Variants in EDN1 observed in about 807,000 individuals in gnomAD.
EDN1 encodes the protein endothelin-1.
A neutral mutation model predicts 21.7 loss-of-function variants in EDN1; 11 were observed. That is an observed-to-expected ratio of 0.51 (90% confidence interval 0.32 to 0.84). EDN1 has a LOEUF of 0.84. Among genes scored for constraint, EDN1 ranks in the 40% least tolerant of loss-of-function variants. EDN1 has a pLI of 0.03. For synonymous variants in EDN1, 85 were observed against 90.6 expected, an observed-to-expected ratio of 0.94 and a Z score of 0.35; for missense variants, 244 against 262.3, an observed-to-expected ratio of 0.93 and a Z score of 0.48.
the EDN1 span, among the ~76,000 whole-genome samples, chr6:12,275,978 T>C: frequency 2.6e-5 from 4 of 152,038 alleles, no homozygotes; most frequent in East Asian, 1.9e-4. Flanking sequence ...CTGGCTGACA[T>C]GGTGAAACCC....
At chr6:12,234,753 A>G in the EDN1 span, among the ~76,000 whole-genome samples, 4 of 152,138 alleles carry the variant, frequency 2.6e-5, no homozygotes, top group Admixed American at 2.6e-4. Flanking sequence ...CCTGTTCTCC[A>G]AGGTTACATT....
chr6:12,283,029 A>G, the EDN1 span, among the ~76,000 whole-genome samples: 1 of 152,240 alleles, frequency 6.6e-6, no homozygotes, highest in Non-Finnish European at 1.5e-5. Context: ...TCTTGTAACT[A>G]TCCCAAATGG....
At chr6:12,233,695 AG>A in the EDN1 span, among the ~76,000 whole-genome samples, 1 of 152,198 alleles carries the variant, frequency 6.6e-6, no homozygotes, top group Non-Finnish European at 1.5e-5. Context: ...GAAAATAAAA[AG>A]GGGTGACATC....
chr6:12,264,328 ATTTTCAG>A, the EDN1 span, among the ~76,000 whole-genome samples: 2 of 152,150 alleles, frequency 1.3e-5, no homozygotes, highest in Non-Finnish European at 2.9e-5. Context: ...AACCTCTCTG[ATTTTCAG>A]TGTTTATAGG....
the EDN1 span, among the ~76,000 whole-genome samples, chr6:12,246,517 C>T: frequency 3.5e-4 from 54 of 152,260 alleles, no homozygotes; most frequent in African/African-American, 1.1e-3. Flanking sequence ...AGATCCTGGG[C>T]GTGCACACAC....
chr6:12,287,286 T>C (rs1322696777), upstream of EDN1, among the ~76,000 whole-genome samples: 1 of 151,598 alleles, frequency 6.6e-6, no homozygotes, highest in South Asian at 2.1e-4. Flanking sequence ...CTCTGAGGGG[T>C]GGGGTGGGGC....
chr6:12,275,554 T>C, the EDN1 span, among the ~76,000 whole-genome samples: 1 of 152,260 alleles, frequency 6.6e-6, no homozygotes, highest in East Asian at 1.9e-4. Context: ...TAGATATTTA[T>C]ATAATATTTG....
chr6:12,274,651 TAC>T, the EDN1 span, among the ~76,000 whole-genome samples: 2 of 152,232 alleles, frequency 1.3e-5, no homozygotes, highest in African/African-American at 4.8e-5. Context: ...TAGAATCATC[TAC>T]ACACCTACTT....
the EDN1 span, among the ~76,000 whole-genome samples, chr6:12,234,085 A>T: frequency 6.6e-6 from 1 of 152,236 alleles, no homozygotes; most frequent in South Asian, 2.1e-4. Context: ...TATCAGGGTT[A>T]GGAAGTTGGC....
Position 12,292,456 on chromosome 6 carries a change from T to C in EDN1, c.180T>C (p.Asp60=). Reference sequence around the variant, plus strand: ...GCTGCTCCTGCTCGTCCCTGATGGATAAAGAGTGTGTCTACTTCTGCCACC... The same window carrying C: ...GCTGCTCCTGCTCGTCCCTGATGGACAAAGAGTGTGTCTACTTCTGCCACC... ...SKRCSCSSLM[D]KECVYFCHLD... Residue 60 remains aspartate, a synonymous_variant, in exon 2 of 5, where the codon GAT becomes GAC. Transcript: ENST00000379375. The C allele has an allele frequency of 6.2e-7, 1 of 1,614,190 alleles. No homozygotes were observed. Among genetic ancestry groups the C allele is most frequent in the Non-Finnish European group, 8.5e-7 (1 of 1,180,038 alleles).
upstream of EDN1, among the ~76,000 whole-genome samples, chr6:12,287,686 TCC>T (rs1491393317): frequency 6.6e-5 from 8 of 121,366 alleles, no homozygotes; most frequent in South Asian, 6.3e-4. Context: ...TCTCTCTCTC[TCC>T]CTCTCTCTCT....
chr6:12,259,452 GA>G, the EDN1 span, among the ~76,000 whole-genome samples: 2 of 151,126 alleles, frequency 1.3e-5, no homozygotes, highest in African/African-American at 4.8e-5. Flanking sequence ...TTTTACTAGT[GA>G]AAAAAATTGG....
At chr6:12,289,769 C>T (rs986465620), upstream of EDN1, among the ~76,000 whole-genome samples, 1 of 152,016 alleles carries the variant, frequency 6.6e-6, no homozygotes, top group East Asian at 1.9e-4. Context: ...GATCTTTCTC[C>T]GATAGATGCA....
chr6:12,288,857 C>T (rs979886884), upstream of EDN1, among the ~76,000 whole-genome samples: 1 of 152,156 alleles, frequency 6.6e-6, no homozygotes, highest in African/African-American at 2.4e-5. Flanking sequence ...GCTTGAATTC[C>T]ACCCTCCATC....
chr6:12,239,294 A>C, the EDN1 span, among the ~76,000 whole-genome samples: 5 of 152,222 alleles, frequency 3.3e-5, no homozygotes, highest in African/African-American at 1.2e-4. Flanking sequence ...ATGTTAACAT[A>C]ATAGGATTGC....
chr6:12,266,787 A>G, the EDN1 span, among the ~76,000 whole-genome samples: 201 of 152,320 alleles, frequency 1.3e-3, no homozygotes, highest in African/African-American at 4.7e-3. Context: ...CTCATTCGTC[A>G]AACCACAGGA....
chr6:12,235,355 T>C, the EDN1 span, among the ~76,000 whole-genome samples: 1 of 152,224 alleles, frequency 6.6e-6, no homozygotes, highest in African/African-American at 2.4e-5. Flanking sequence ...GACTTCCACA[T>C]AGCAATGTTT....
the EDN1 span, among the ~76,000 whole-genome samples, chr6:12,232,593 T>C: frequency 6.6e-6 from 1 of 152,190 alleles, no homozygotes. Flanking sequence ...TCCTCTGCCT[T>C]ACCGCAGTGT....
the EDN1 span, among the ~76,000 whole-genome samples, chr6:12,280,405 C>T: frequency 6.6e-6 from 1 of 152,114 alleles, no homozygotes; most frequent in African/African-American, 2.4e-5. Flanking sequence ...TAACTTTATA[C>T]CCCACAATAA....
Sources: allele counts gnomAD v4.1 joint callset (sites outside exome capture counted in the v4.1 genomes callset), GRCh38; gene constraint gnomAD v4.1.1; transcripts MANE v1.5; gene names NCBI Gene and HGNC (gene_info 2026-07-23, HGNC 2026-07-21).